Variants in FHIT observed in about 807,000 individuals in gnomAD.
FHIT encodes the protein bis(5'-adenosyl)-triphosphatase.
A neutral mutation model predicts 17.9 loss-of-function variants in FHIT; 19 were observed. The ratio of observed to expected loss-of-function variants is 1.06; its 90% confidence interval spans 0.74 to 1.56. FHIT has a LOEUF of 1.56. FHIT is among the 40% of genes most tolerant of loss of function. FHIT has a pLI of 0.00. For synonymous variants in FHIT, 81 were observed against 69.7 expected (o/e 1.16, Z -0.81); for missense variants, 248 against 189.2 (o/e 1.31, Z -1.82).
At chr3:61,063,101 T>C (rs561178515) in intron 2 of FHIT, among the ~76,000 whole-genome samples, 2 of 151,670 alleles carry the variant, frequency 1.3e-5, no homozygotes, top group Admixed American at 6.6e-5. Context: ...CTACTAAAAA[T>C]ACAAAAAATT....
intron 5 of FHIT, among the ~76,000 whole-genome samples, chr3:60,374,406 T>TA (rs1700458939): frequency 6.6e-6 from 1 of 152,006 alleles, no homozygotes; most frequent in South Asian, 2.1e-4. Context: ...TGTAAGTTTT[T>TA]ACTCAATTCT....
intron 8 of FHIT, among the ~76,000 whole-genome samples, chr3:59,819,248 C>T (rs887110016): frequency 2.6e-5 from 4 of 152,158 alleles, no homozygotes; most frequent in Non-Finnish European, 5.9e-5. Flanking sequence ...GCATTATGCT[C>T]TTATGGTCTT....
chr3:59,751,361 T>A (rs953676484), intron 9 of FHIT: 2 of 184,376 alleles, frequency 1.1e-5, no homozygotes, highest in African/African-American at 4.7e-5. Context: ...CTGCCTCAGC[T>A]TCCCAAGTAG....
chr3:60,142,960 G>C (rs577580760), intron 5 of FHIT, among the ~76,000 whole-genome samples: 1 of 152,144 alleles, frequency 6.6e-6, no homozygotes, highest in Non-Finnish European at 1.5e-5. Context: ...TCAGGAACAA[G>C]ACAAAGGATA....
chr3:60,941,674 G>A (rs566419931), intron 3 of FHIT, among the ~76,000 whole-genome samples: 1 of 152,220 alleles, frequency 6.6e-6, no homozygotes, highest in African/African-American at 2.4e-5. Context: ...AATGCGTTTA[G>A]CTCATACAAA....
rs1381816687 is a variant in FHIT, at chr3:60,652,908, TCAAA to T, written c.-17-115933_-17-115930del. Among the ~76,000 whole-genome samples the T allele has an allele frequency of 1.9e-4, 19 of 101,450 alleles. No individual in the cohort carries two copies. The Middle Eastern group carries it at 0.013, about 72-fold the overall frequency. 66.6% of individuals were successfully genotyped at this position (101,450 alleles called of 152,430 possible). A position where few individuals can be genotyped will look rare whatever the true frequency, so the allele number is the denominator to read the frequency against. ...CTGGGCAACAGAGTGAAAGTTCATCTCAAACAAAACAAAACAAAACAAAACAAAA... is the reference window on the plus strand; with the variant it reads ...CTGGGCAACAGAGTGAAAGTTCATCTCAAAACAAAACAAAACAAAACAAAA... On this transcript the variant is annotated intron_variant, in intron 4 of 9. Transcript: ENST00000492590.
At chr3:61,111,952 C>T (rs2036170836) in intron 2 of FHIT, among the ~76,000 whole-genome samples, 1 of 152,160 alleles carries the variant, frequency 6.6e-6, no homozygotes, top group Admixed American at 6.6e-5. Flanking sequence ...ACTTGCCAGC[C>T]TCTATGCGTG....
chr3:61,208,076 C>A (rs570844532), intron 1 of FHIT, among the ~76,000 whole-genome samples: 57 of 152,108 alleles, frequency 3.7e-4, no homozygotes, highest in South Asian at 2.7e-3. Flanking sequence ...TTATGTACCC[C>A]ATAGTCACTC....
At chr3:59,871,830 T>C (rs1191186321) in intron 8 of FHIT, among the ~76,000 whole-genome samples, 1 of 152,118 alleles carries the variant, frequency 6.6e-6, no homozygotes, top group Non-Finnish European at 1.5e-5. Flanking sequence ...TTAAAAGAGG[T>C]AACCTCCCAG....
chr3:61,002,602 C>T (rs1350742229), intron 3 of FHIT, among the ~76,000 whole-genome samples: 1 of 152,136 alleles, frequency 6.6e-6, no homozygotes, highest in African/African-American at 2.4e-5. Flanking sequence ...TCAACATCTC[C>T]CCATTCCCTC....
At chr3:60,309,038 C>A (rs112623155) in intron 5 of FHIT, among the ~76,000 whole-genome samples, 1 of 152,114 alleles carries the variant, frequency 6.6e-6, no homozygotes, top group African/African-American at 2.4e-5. Flanking sequence ...GCCTTAGTGC[C>A]GTCACCTCTG....
intron 8 of FHIT, among the ~76,000 whole-genome samples, chr3:59,877,785 A>G (rs368712188): frequency 1.1e-4 from 17 of 152,244 alleles, no homozygotes; most frequent in East Asian, 5.8e-4. Context: ...CTATAAGAAT[A>G]CTAGCCATCA....
intron 2 of FHIT, among the ~76,000 whole-genome samples, chr3:61,170,831 C>T (rs2037981909): frequency 6.6e-6 from 1 of 152,066 alleles, no homozygotes; most frequent in Non-Finnish European, 1.5e-5. Context: ...TTGCAATGAA[C>T]ATATGCATGC....
chr3:60,982,083 T>C (rs1710521682), intron 3 of FHIT, among the ~76,000 whole-genome samples: 2 of 152,234 alleles, frequency 1.3e-5, no homozygotes, highest in South Asian at 2.1e-4. Flanking sequence ...TTCCAGTTCA[T>C]TCTGCACAAA....
chr3:60,839,429 A>G (rs1409649951), intron 3 of FHIT, among the ~76,000 whole-genome samples: 5 of 152,196 alleles, frequency 3.3e-5, no homozygotes, highest in Admixed American at 2.6e-4. Context: ...GCAGCATGCA[A>G]TGAGATCATG....
At chr3:60,464,529 G>T (rs1191962663) in intron 5 of FHIT, among the ~76,000 whole-genome samples, 1 of 151,640 alleles carries the variant, frequency 6.6e-6, no homozygotes, top group Non-Finnish European at 1.5e-5. Context: ...CCCAGCTTCT[G>T]GTAACAATCC....
intron 7 of FHIT, among the ~76,000 whole-genome samples, chr3:59,969,786 C>T (rs564413641): frequency 3.3e-5 from 5 of 152,086 alleles, no homozygotes; most frequent in East Asian, 3.9e-4. Context: ...CCCTCAAAAG[C>T]GAGATATTTT....
intron 5 of FHIT, among the ~76,000 whole-genome samples, chr3:60,070,541 T>G (rs1391332824): frequency 1.3e-5 from 2 of 152,064 alleles, no homozygotes; most frequent in Non-Finnish European, 2.9e-5. Flanking sequence ...TCCACACCTG[T>G]CCCTCTGTCC....
chr3:60,128,653 A>C (rs1202314076), intron 5 of FHIT, among the ~76,000 whole-genome samples: 1 of 152,238 alleles, frequency 6.6e-6, no homozygotes, highest in Non-Finnish European at 1.5e-5. Flanking sequence ...AAGGCAAGTA[A>C]GAATTACTCT....
Sources: allele counts gnomAD v4.1 joint callset (sites outside exome capture counted in the v4.1 genomes callset), GRCh38; gene constraint gnomAD v4.1.1; transcripts MANE v1.5; gene names NCBI Gene and HGNC (gene_info 2026-07-23, HGNC 2026-07-21).